The following DPY30 variants were observed in gnomAD, a reference collection of about 807,000 sequenced individuals.
DPY30 encodes dpy-30 histone methyltransferase complex regulatory subunit, also known as protein dpy-30 homolog.
Under a neutral mutation model 16.2 loss-of-function variants are expected in DPY30, and 6 were observed. The ratio of observed to expected loss-of-function variants is 0.37; its 90% CI spans 0.20 to 0.73. The LOEUF (loss-of-function observed/expected upper bound fraction) is 0.73. Ranked by LOEUF, DPY30 falls within the 30% of genes least tolerant of loss-of-function variation. The probability of loss-of-function intolerance (pLI) is 0.51; values close to 1 mark genes in which losing one functional copy is unlikely to be tolerated. For synonymous variants in DPY30, 39 were observed against 38.8 expected, an observed-to-expected ratio of 1.00 and a Z score of -0.02; for missense variants, 73 against 113.1, an observed-to-expected ratio of 0.65 and a Z score of 1.61.
chr2:32,036,728 C>A lies in DPY30; in HGVS notation c.84+2551G>T, dbSNP rs545657158. 1.1e-3 allele frequency among the ~76,000 whole-genome samples: 158 copies of A among 146,988 alleles called. 1 individual carries two copies. Among genetic ancestry groups the A allele is most frequent in the African/African-American group, 4.0e-3 (156 of 39,460 alleles). ...TGAAAATACAAAAAAATTAGCCGGGCATGGTTGGCGGGTGCCTGTAGTCCC... is the reference window on the plus strand; with the variant it reads ...TGAAAATACAAAAAAATTAGCCGGGAATGGTTGGCGGGTGCCTGTAGTCCC... On this transcript the variant is annotated intron_variant, in intron 3 of 4. Transcript: ENST00000342166.
intron 3 of DPY30, among the ~76,000 whole-genome samples, chr2:32,030,487 G>A (rs1055495737): frequency 2.0e-5 from 3 of 151,970 alleles, no homozygotes; most frequent in African/African-American, 7.3e-5. Flanking sequence ...ACAATTCCCC[G>A]GGCGTGGTGG....
intron 3 of DPY30, among the ~76,000 whole-genome samples, chr2:32,033,494 G>C (rs1675621592): frequency 6.6e-6 from 1 of 151,898 alleles, no homozygotes; most frequent in Admixed American, 6.6e-5. Flanking sequence ...CCAACATGGA[G>C]AAACCACAAC....
At chr2:32,016,980 T>A (rs1282622259) in intron 5 of DPY30, among the ~76,000 whole-genome samples, 1 of 152,048 alleles carries the variant, frequency 6.6e-6, no homozygotes, top group Non-Finnish European at 1.5e-5. Context: ...CCTCCCGGGT[T>A]CAAGCGATTC....
At chr2:32,034,018 C>T (rs892414637) in intron 3 of DPY30, among the ~76,000 whole-genome samples, 1 of 151,860 alleles carries the variant, frequency 6.6e-6, no homozygotes, top group African/African-American at 2.4e-5. Context: ...CTAGTAGTCT[C>T]CCTGAGTTGA....
intron 4 of DPY30, among the ~76,000 whole-genome samples, chr2:32,029,136 G>C (rs1395442405): frequency 6.6e-6 from 1 of 152,052 alleles, no homozygotes; most frequent in Non-Finnish European, 1.5e-5. Flanking sequence ...GCCGGGCGTA[G>C]TGGCCCACGC....
At chr2:32,023,850 ACAATT>A (rs759180787), downstream of DPY30, 33 of 1,312,598 alleles carry the variant, frequency 2.5e-5, 1 homozygote, top group South Asian at 3.9e-4. Context: ...AATTCATAAA[ACAATT>A]CAATCATGTA....
chr2:32,014,485 C>CT (rs34360226), intron 5 of DPY30, among the ~76,000 whole-genome samples: 1,635 of 141,072 alleles, frequency 0.012, 30 homozygotes, highest in African/African-American at 0.037. Flanking sequence ...GAGATCCCAT[C>CT]TTTTTTTTTT....
intron 3 of DPY30, among the ~76,000 whole-genome samples, chr2:32,038,407 T>TGG (rs1675832146): frequency 2.6e-5 from 1 of 37,968 alleles, no homozygotes. Context: ...GGCCTTATTT[T>TGG]GAGGGGGGGG....
chr2:32,019,146 T>G (rs1265407769), downstream of DPY30, among the ~76,000 whole-genome samples: 4 of 152,112 alleles, frequency 2.6e-5, no homozygotes, highest in Non-Finnish European at 5.9e-5. Flanking sequence ...CAGGCTGGAG[T>G]GCAGTGGCAC....
At chr2:32,036,696 T>C (rs1313682581) in intron 3 of DPY30, among the ~76,000 whole-genome samples, 1 of 113,592 alleles carries the variant, frequency 8.8e-6, no homozygotes, top group Non-Finnish European at 1.8e-5. Context: ...AGAAACCCAG[T>C]GTCTACTGAA....
chr2:32,024,099 G>C lies in DPY30; in HGVS notation c.*85C>G, dbSNP rs554065947. On this transcript the variant is annotated 3_prime_UTR_variant, in exon 5 of 5. Transcript: ENST00000342166. ...CGGAAGGTTCTTATACATCCAAAAA[G>C]AGGGAATGATCATGGCAATTAAAGC... is the stretch of plus-strand genomic sequence containing the variant. 3 of 1,546,926 alleles carry C rather than the reference G, an allele frequency of 1.9e-6. No homozygotes were observed. The highest frequency in any genetic ancestry group is 2.8e-5 in the African/African-American group (2 of 72,554).
chr2:32,034,816 T>C (rs1675674634), intron 3 of DPY30, among the ~76,000 whole-genome samples: 1 of 151,850 alleles, frequency 6.6e-6, no homozygotes, highest in Admixed American at 6.6e-5. Flanking sequence ...CTGGCCAACA[T>C]GGTAAAACCC....
chr2:32,018,339 G>A (rs1675101704), intron 5 of DPY30, among the ~76,000 whole-genome samples: 1 of 152,040 alleles, frequency 6.6e-6, no homozygotes, highest in South Asian at 2.1e-4. Context: ...CTTTGTGGAA[G>A]AAGGACAATA....
chr2:32,039,737 G>A lies in DPY30; in HGVS notation c.-41C>T. 3.6e-6 allele frequency: 2 copies of A among 552,136 alleles called. No homozygotes were observed. Among genetic ancestry groups the A allele is most frequent in the Non-Finnish European group, 3.2e-6 (1 of 308,204 alleles). 34.2% of individuals were successfully genotyped at this position (552,136 alleles called of 1,614,324 possible). A position where few individuals can be genotyped will look rare whatever the true frequency, so the allele number is the denominator to read the frequency against. The stretch of plus-strand genomic sequence containing the variant: ...GGGGGAAAGGGAGCTGATTACCCGC[G>A]CCCAAGCCGTTCGTTCTTAAGAGCC... On this transcript the variant is annotated 5_prime_UTR_variant, in exon 1 of 5. Transcript: ENST00000342166.
intron 5 of DPY30, among the ~76,000 whole-genome samples, chr2:32,017,588 C>T (rs1675088971): frequency 6.7e-6 from 1 of 148,200 alleles, no homozygotes; most frequent in East Asian, 2.0e-4. Context: ...GCACTCCAGC[C>T]TGGGCAAGAA....
intron 5 of DPY30, among the ~76,000 whole-genome samples, chr2:32,016,690 A>T (rs867465618): frequency 6.6e-6 from 1 of 151,886 alleles, no homozygotes. Context: ...TCCTGATTCA[A>T]TCTACTGATA....
intron 4 of DPY30, among the ~76,000 whole-genome samples, chr2:32,028,678 G>A (rs1366986129): frequency 3.3e-5 from 5 of 152,142 alleles, no homozygotes; most frequent in Admixed American, 2.0e-4. Context: ...GTGGGTGCCT[G>A]AGCTGCTCAG....
chr2:32,015,915 CAG>C (rs1675056408), intron 5 of DPY30, among the ~76,000 whole-genome samples: 1 of 151,394 alleles, frequency 6.6e-6, no homozygotes, highest in Admixed American at 6.6e-5. Flanking sequence ...TGTTTTGAGA[CAG>C]AGTCTTGCTC....
chr2:32,025,028 T>C (rs557920811), intron 4 of DPY30, among the ~76,000 whole-genome samples: 5 of 152,238 alleles, frequency 3.3e-5, no homozygotes, highest in Non-Finnish European at 4.4e-5. Context: ...TGAAAAGGCA[T>C]ATTGAAAATA....
Sources: gnomAD v4.1 joint callset for allele counts (sites outside exome capture counted in the v4.1 genomes callset) on GRCh38, gnomAD v4.1.1 for gene constraint, MANE v1.5 for transcripts, NCBI Gene and HGNC (gene_info 2026-07-23, HGNC 2026-07-21) for gene names.